Variants in SMARCC1 observed in about 807,000 individuals in gnomAD.
SMARCC1 encodes SWI/SNF complex subunit SMARCC1.
Under a neutral mutation model 147.4 loss-of-function variants are expected in SMARCC1, and 43 were observed. The ratio of observed to expected loss-of-function variants is 0.29; its 90% confidence interval spans 0.23 to 0.38. The LOEUF (loss-of-function observed/expected upper bound fraction) is 0.38. Ranked by LOEUF, SMARCC1 falls within the 10% of genes least tolerant of loss-of-function variation. The pLI, the probability that SMARCC1 is intolerant of heterozygous loss-of-function variation, is 1.00. For missense variants in SMARCC1, 1,119 were observed against 1,381.1 expected (o/e 0.81, Z 3.01); for synonymous variants, 495 against 484.4 (o/e 1.02, Z -0.29).
chr3:47,734,227 C>A (rs2034413048), intron 5 of SMARCC1, among the ~76,000 whole-genome samples: 1 of 151,994 alleles, frequency 6.6e-6, no homozygotes, highest in Admixed American at 6.6e-5. Context: ...GACAGTCAAT[C>A]CAATAAAAAG....
chr3:47,733,759 G>A (rs1330456543), intron 5 of SMARCC1, among the ~76,000 whole-genome samples: 3 of 151,424 alleles, frequency 2.0e-5, no homozygotes, highest in Admixed American at 6.6e-5. Context: ...AGCTACTCGG[G>A]AGGCTGAGGC....
At chr3:47,740,699 G>T (rs1387897360) in intron 3 of SMARCC1, among the ~76,000 whole-genome samples, 2 of 151,712 alleles carry the variant, frequency 1.3e-5, no homozygotes, top group African/African-American at 4.9e-5. Context: ...GAACTATCTT[G>T]TTAGTGAGAC....
chr3:47,762,383 A>C (rs765215371), intron 2 of SMARCC1, among the ~76,000 whole-genome samples: 2 of 152,216 alleles, frequency 1.3e-5, no homozygotes, highest in Non-Finnish European at 2.9e-5. Flanking sequence ...CCTTTCCATT[A>C]CACCAGACTG....
chr3:47,645,946 A>T (rs548409274), intron 21 of SMARCC1, among the ~76,000 whole-genome samples: 1 of 152,336 alleles, frequency 6.6e-6, no homozygotes, highest in Admixed American at 6.5e-5. Flanking sequence ...ATGCTCAGGC[A>T]TTTGTTTTTG....
chr3:47,631,426 T>C (rs1576393071), intron 24 of SMARCC1, among the ~76,000 whole-genome samples: 1 of 152,176 alleles, frequency 6.6e-6, no homozygotes, highest in Non-Finnish European at 1.5e-5. Context: ...AAAGAGAACA[T>C]GCTCTAATAT....
chr3:47,692,788 C>T (rs773592890), intron 12 of SMARCC1, among the ~76,000 whole-genome samples: 2 of 151,888 alleles, frequency 1.3e-5, no homozygotes, highest in South Asian at 2.1e-4. Flanking sequence ...TTTGGGAGGC[C>T]GAGACAGGCG....
At position 47,676,623 on chromosome 3, in the gene SMARCC1, A is replaced by G; in HGVS notation, c.1725+6T>C. 1 of 1,612,408 alleles carries G rather than the reference A, an allele frequency of 6.2e-7. No individual in the cohort carries two copies. The highest frequency in any genetic ancestry group is 1.1e-5 in the South Asian group (1 of 90,960). On this transcript the variant is annotated splice_donor_region_variant and intron_variant, in intron 17 of 27. Transcript: ENST00000254480. The stretch of plus-strand genomic sequence containing the variant: ...CAGGTCTGATGAAAAGTCAACATTA[A>G]TTTACCTGAGGTGATCGAAGATGCA...
intron 18 of SMARCC1, among the ~76,000 whole-genome samples, chr3:47,671,956 CAAAAAT>C (rs950832203): frequency 6.6e-6 from 1 of 151,912 alleles, no homozygotes; most frequent in African/African-American, 2.4e-5. Flanking sequence ...AAAGAAAAAA[CAAAAAT>C]AAAACAACAA....
At chr3:47,708,798 T>C (rs1486311589) in intron 9 of SMARCC1, among the ~76,000 whole-genome samples, 1 of 152,158 alleles carries the variant, frequency 6.6e-6, no homozygotes. Flanking sequence ...TTTTCTTTTT[T>C]TTCTCTAAAT....
chr3:47,768,110 G>A (rs1346788478), intron 2 of SMARCC1, among the ~76,000 whole-genome samples: 1 of 152,068 alleles, frequency 6.6e-6, no homozygotes, highest in Non-Finnish European at 1.5e-5. Context: ...AAAGTGCTGA[G>A]ATTACAGGTG....
chr3:47,749,679 A>G (rs934065262), intron 2 of SMARCC1, among the ~76,000 whole-genome samples: 14 of 150,972 alleles, frequency 9.3e-5, no homozygotes, highest in African/African-American at 3.4e-4. Context: ...AAACACACAC[A>G]CACACACACA....
chr3:47,648,270 C>T (rs1296370539), intron 21 of SMARCC1, among the ~76,000 whole-genome samples: 2 of 152,216 alleles, frequency 1.3e-5, no homozygotes, highest in African/African-American at 4.8e-5. Flanking sequence ...GCTGGAATTA[C>T]AGGCATGAGC....
At chr3:47,673,213 C>T (rs1213501894) in intron 18 of SMARCC1, among the ~76,000 whole-genome samples, 1 of 151,480 alleles carries the variant, frequency 6.6e-6, no homozygotes, top group Non-Finnish European at 1.5e-5. Context: ...GTGAGATGTT[C>T]TCTCTTTAAA....
At chr3:47,750,313 T>C (rs1289008768) in intron 2 of SMARCC1, among the ~76,000 whole-genome samples, 2 of 152,066 alleles carry the variant, frequency 1.3e-5, no homozygotes, top group Non-Finnish European at 2.9e-5. Context: ...TGCACGCCTG[T>C]AGTCCCAGCT....
At chr3:47,757,738 C>T (rs561874119) in intron 2 of SMARCC1, among the ~76,000 whole-genome samples, 1 of 151,190 alleles carries the variant, frequency 6.6e-6, no homozygotes, top group South Asian at 2.1e-4. Context: ...GAGCCGAGAT[C>T]CCGCCACTGC....
chr3:47,778,581 T>G (rs908226781), intron 1 of SMARCC1, among the ~76,000 whole-genome samples: 8 of 152,154 alleles, frequency 5.3e-5, no homozygotes, highest in Admixed American at 3.9e-4. Context: ...AATTCCCAAG[T>G]GCTGGGATTA....
At chr3:47,591,671 T>C (rs2032184375) in intron 26 of SMARCC1, among the ~76,000 whole-genome samples, 1 of 152,054 alleles carries the variant, frequency 6.6e-6, no homozygotes, top group African/African-American at 2.4e-5. Context: ...GCCTCCCAAG[T>C]AGCTGGGATT....
intron 8 of SMARCC1, among the ~76,000 whole-genome samples, chr3:47,714,131 AG>A: frequency 6.6e-6 from 1 of 152,344 alleles, no homozygotes; most frequent in African/African-American, 2.4e-5. Context: ...TGGGAGGCTG[AG>A]GCAGGCCGAT....
chr3:47,673,404 G>GGC (rs2033529024), intron 18 of SMARCC1, among the ~76,000 whole-genome samples: 1 of 132,212 alleles, frequency 7.6e-6, no homozygotes, highest in Admixed American at 7.5e-5. Context: ...AAGGGTGGGG[G>GGC]GGGGGCAGGC....
Sources: gnomAD v4.1 joint callset for allele counts (sites outside exome capture counted in the v4.1 genomes callset) on GRCh38, gnomAD v4.1.1 for gene constraint, MANE v1.5 for transcripts, NCBI Gene and HGNC (gene_info 2026-07-23, HGNC 2026-07-21) for gene names.